STARD13: variants seen among roughly 807,000 people sequenced by gnomAD.
The protein encoded by STARD13 is stAR-related lipid transfer protein 13.
A neutral mutation model predicts 106.4 loss-of-function variants in STARD13; 62 were observed. The observed-to-expected ratio is 0.58, with a 90% CI of 0.48 to 0.72. The LOEUF is 0.72. Ranked by LOEUF, STARD13 falls within the 30% of genes least tolerant of loss-of-function variation. STARD13 has a pLI of 0.00. For synonymous variants in STARD13, 565 were observed against 553.0 expected, an observed-to-expected ratio of 1.02 and a Z score of -0.31; for missense variants, 1,387 against 1,424.0, an observed-to-expected ratio of 0.97 and a Z score of 0.42.
the STARD13 span, among the ~76,000 whole-genome samples, chr13:33,604,869 A>G: frequency 6.6e-6 from 1 of 152,252 alleles, no homozygotes; most frequent in Admixed American, 6.5e-5. Context: ...CTAAACAATA[A>G]CTATGAGTAC....
At chr13:33,360,640 T>TCTGTGTAGACAGAAGGATTC in the STARD13 span, among the ~76,000 whole-genome samples, 1 of 143,956 alleles carries the variant, frequency 6.9e-6, no homozygotes, top group African/African-American at 2.5e-5. Context: ...ACATTTTCCT[T>TCTGTGTAGACAGAAGGATTC]CTGTGTAGAC....
At chr13:33,346,692 C>T (rs2078020773), downstream of STARD13, among the ~76,000 whole-genome samples, 1 of 151,926 alleles carries the variant, frequency 6.6e-6, no homozygotes, top group African/African-American at 2.4e-5. Context: ...TGCAGTGGTG[C>T]AATCTCAGCT....
At chr13:33,350,377 T>C (rs2078064045) in exon 1 of STARD13, 1 of 1,533,676 alleles carries the variant, frequency 6.5e-7, no homozygotes, top group African/African-American at 1.4e-5. Flanking sequence ...ATGGATCTCC[T>C]GAGCTGCGTT....
the STARD13 span, among the ~76,000 whole-genome samples, chr13:33,548,852 A>G: frequency 6.6e-6 from 1 of 152,212 alleles, no homozygotes; most frequent in African/African-American, 2.4e-5. Flanking sequence ...AGTAAAATAT[A>G]CATGCATCAA....
At chr13:33,303,167 C>T (rs1892782450) in intron 1 of STARD13, among the ~76,000 whole-genome samples, 1 of 152,176 alleles carries the variant, frequency 6.6e-6, no homozygotes, top group African/African-American at 2.4e-5. Context: ...CTCCTTCCTC[C>T]TCATTCCCAT....
At chr13:33,447,031 AATT>A in the STARD13 span, among the ~76,000 whole-genome samples, 1 of 152,218 alleles carries the variant, frequency 6.6e-6, no homozygotes, top group Non-Finnish European at 1.5e-5. Flanking sequence ...AAGTCCCAGA[AATT>A]AATACATGAA....
At chr13:33,386,952 C>T in the STARD13 span, among the ~76,000 whole-genome samples, 1 of 152,106 alleles carries the variant, frequency 6.6e-6, no homozygotes, top group African/African-American at 2.4e-5. Context: ...TTTGCCAATT[C>T]TGCATAGGCC....
the STARD13 span, among the ~76,000 whole-genome samples, chr13:33,624,681 A>G: frequency 6.6e-6 from 1 of 152,250 alleles, no homozygotes; most frequent in Non-Finnish European, 1.5e-5. Context: ...TAGCTATTCA[A>G]CAGTGTCTGT....
chr13:33,614,283 G>GTGTGTGTGTGTGTGTA, the STARD13 span, among the ~76,000 whole-genome samples: 1 of 151,864 alleles, frequency 6.6e-6, no homozygotes, highest in Non-Finnish European at 1.5e-5. Context: ...GTGTGTGTGT[G>GTGTGTGTGTGTGTGTA]TGTGTGTGTG....
At chr13:33,583,933 A>G in the STARD13 span, among the ~76,000 whole-genome samples, 1 of 151,760 alleles carries the variant, frequency 6.6e-6, no homozygotes, top group East Asian at 1.9e-4. Context: ...GCATAGATGT[A>G]CAGATACCTG....
intron 1 of STARD13, among the ~76,000 whole-genome samples, chr13:33,234,659 C>T (rs531858692): frequency 2.7e-4 from 41 of 152,162 alleles, no homozygotes; most frequent in Non-Finnish European, 5.7e-4. Context: ...CATTCTGCCT[C>T]CAACAAATCT....
chr13:33,533,252 G>C, the STARD13 span, among the ~76,000 whole-genome samples: 1 of 152,176 alleles, frequency 6.6e-6, no homozygotes, highest in South Asian at 2.1e-4. Context: ...AGCAGACTGG[G>C]TGAGGAGCAA....
At chr13:33,168,822 A>G (rs564672954) in intron 1 of STARD13, among the ~76,000 whole-genome samples, 1 of 152,318 alleles carries the variant, frequency 6.6e-6, no homozygotes, top group South Asian at 2.1e-4. Flanking sequence ...GCTATTTGGT[A>G]TATGTTAGGA....
intron 7 of STARD13, among the ~76,000 whole-genome samples, chr13:33,120,469 G>A (rs1251257709): frequency 1.3e-5 from 2 of 152,186 alleles, no homozygotes; most frequent in African/African-American, 2.4e-5. Context: ...ATCTTAGGAT[G>A]TCCAGAGGGT....
chr13:33,159,702 A>G (rs1340654619), intron 3 of STARD13, among the ~76,000 whole-genome samples: 2 of 152,240 alleles, frequency 1.3e-5, no homozygotes, highest in Non-Finnish European at 2.9e-5. Context: ...TTTGTATACT[A>G]GCAATGGGCA....
chr13:33,341,311 T>C (rs933469828), intron 1 of STARD13, among the ~76,000 whole-genome samples: 1 of 152,084 alleles, frequency 6.6e-6, no homozygotes, highest in Non-Finnish European at 1.5e-5. Flanking sequence ...GTTGGTGGCT[T>C]ACAAAAAATC....
chr13:33,445,302 C>T, the STARD13 span, among the ~76,000 whole-genome samples: 1 of 152,084 alleles, frequency 6.6e-6, no homozygotes, highest in African/African-American at 2.4e-5. Flanking sequence ...TTATTATCTG[C>T]CCTTTACTTT....
At chr13:33,670,271 G>A in the STARD13 span, among the ~76,000 whole-genome samples, 1 of 152,114 alleles carries the variant, frequency 6.6e-6, no homozygotes, top group Admixed American at 6.5e-5. Context: ...ACTTCAGTGG[G>A]ACATTTTGAA....
chr13:33,241,613 G>A lies in STARD13; in HGVS notation c.169+43857C>T, dbSNP rs572370575. Among the ~76,000 whole-genome samples, 451 of 129,194 alleles carry A rather than the reference G, an allele frequency of 3.5e-3. 3 individuals carry two copies. The highest frequency in any genetic ancestry group is 0.012 in the African/African-American group (419 of 34,430). The allele number at this position is 129,194 out of a possible 152,430, so 84.8% of individuals were successfully genotyped here. On this transcript the variant is annotated intron_variant, in intron 1 of 13. Transcript: ENST00000336934. The stretch of plus-strand genomic sequence containing the variant: ...CGAGCCGAGGCTGGACCATACTGCC[G>A]CCATCTCAACTCACTGCAACCTCCC...
Sources: gnomAD v4.1 joint callset for allele counts (sites outside exome capture counted in the v4.1 genomes callset) on GRCh38, gnomAD v4.1.1 for gene constraint, MANE v1.5 for transcripts, NCBI Gene and HGNC (gene_info 2026-07-23, HGNC 2026-07-21) for gene names.